Variants in ESYT2 observed in about 807,000 individuals in gnomAD.
The protein encoded by ESYT2 is extended synaptotagmin 2.
A neutral mutation model predicts 107.2 loss-of-function variants in ESYT2; 54 were observed. The observed-to-expected ratio is 0.50, with a 90% CI of 0.40 to 0.63. The LOEUF (loss-of-function observed/expected upper bound fraction) is 0.63, where lower values mean the gene tolerates loss of function less well. ESYT2 is among the 30% of genes least tolerant of loss of function. The pLI is 0.00. For synonymous variants in ESYT2, 491 were observed against 434.1 expected (o/e 1.13, Z -1.63); for missense variants, 1,020 against 1,094.5 (o/e 0.93, Z 0.96).
chr7:158,810,948 T>C (rs1839977045), intron 1 of ESYT2, among the ~76,000 whole-genome samples: 1 of 151,088 alleles, frequency 6.6e-6, no homozygotes, highest in Non-Finnish European at 1.5e-5. Context: ...ATTGTATAGT[T>C]TAAATGGCTG....
chr7:158,798,646 C>CAAAAAAAAAAAAAAAAAAAA (rs57351086), intron 2 of ESYT2, among the ~76,000 whole-genome samples: 1 of 49,852 alleles, frequency 2.0e-5, no homozygotes, highest in Non-Finnish European at 3.3e-5. Context: ...AGCTCCGTCT[C>CAAAAAAAAAAAAAAAAAAAA]AAAAAAAAAA....
intron 16 of ESYT2, among the ~76,000 whole-genome samples, chr7:158,745,291 G>A (rs6979664): frequency 0.056 from 1,581 of 28,362 alleles, 218 homozygotes; most frequent in Middle Eastern, 0.15. Flanking sequence ...AGACAGGGTC[G>A]GGCAAGCGGC....
At chr7:158,802,282 A>C (rs1431976483) in intron 1 of ESYT2, among the ~76,000 whole-genome samples, 1 of 151,692 alleles carries the variant, frequency 6.6e-6, no homozygotes, top group Non-Finnish European at 1.5e-5. Context: ...TGTCCTATGC[A>C]CGATATAAGC....
At chr7:158,819,931 T>C (rs1031886414) in intron 1 of ESYT2, among the ~76,000 whole-genome samples, 2 of 152,240 alleles carry the variant, frequency 1.3e-5, no homozygotes, top group Non-Finnish European at 2.9e-5. Context: ...CATCTGCTGT[T>C]GGTGTGGTTA....
intron 15 of ESYT2, among the ~76,000 whole-genome samples, chr7:158,749,411 A>C (rs1297728811): frequency 6.6e-6 from 1 of 152,128 alleles, no homozygotes; most frequent in Non-Finnish European, 1.5e-5. Context: ...GAGCCACCAC[A>C]CCTAGCCACT....
At position 158,788,142 on chromosome 7, in the gene ESYT2, G is replaced by C. The variant is rs1276292892; in HGVS notation, c.658-49C>G. On this transcript the variant is annotated intron_variant, in intron 5 of 22. Transcript: ENST00000275418. ...ATATGTAATAGAAAACATTCTGCAG[G>C]GCCGCTTAACGCAAGGAGTTTGCAT... 2.7e-6 allele frequency: 4 copies of C among 1,503,368 alleles called. No homozygotes were observed. In the Admixed American group the frequency reaches 6.8e-5, roughly 25 times the overall value. 93.1% of individuals were successfully genotyped at this position (1,503,368 alleles called of 1,614,324 possible).
At chr7:158,739,161 C>A in intron 18 of ESYT2, 40 bp from the exon 19 acceptor site, 1 of 1,567,814 alleles carries the variant, frequency 6.4e-7, no homozygotes, top group Non-Finnish European at 8.8e-7. Flanking sequence ...TTGCCTGAGA[C>A]TGGAGAACGT....
At chr7:158,781,432 GT>G (rs1838801193) in intron 6 of ESYT2, among the ~76,000 whole-genome samples, 2 of 10,262 alleles carry the variant, frequency 1.9e-4, no homozygotes, top group South Asian at 5.0e-3. Context: ...CGAGTGAGAA[GT>G]GTGAGTGTGA....
At chr7:158,755,704 A>G (rs1689282726) in intron 13 of ESYT2, among the ~76,000 whole-genome samples, 1 of 152,226 alleles carries the variant, frequency 6.6e-6, no homozygotes, top group African/African-American at 2.4e-5. Flanking sequence ...GTAGACAGCC[A>G]GAGAGACTAT....
At chr7:158,796,095 C>T (rs1839448417) in intron 3 of ESYT2, among the ~76,000 whole-genome samples, 1 of 152,214 alleles carries the variant, frequency 6.6e-6, no homozygotes. Context: ...ACAGCCACAT[C>T]TATCACAACC....
rs1288395247 is a variant in ESYT2, at chr7:158,732,293, G to C, written c.*1914C>G. ...AACCCTCAACAAATCTAATACTAAG[G>C]GAAAGCAACTAGATTTAATGTTGTT... On this transcript the variant is annotated 3_prime_UTR_variant, in exon 23 of 23. Coordinates refer to ENST00000275418, the MANE Select transcript of ESYT2 (RefSeq NM_001367773.1). 1 of 151,988 alleles carries C rather than the reference G, an allele frequency of 6.6e-6. No individual in the cohort carries two copies. Among genetic ancestry groups the C allele is most frequent in the African/African-American group, 2.4e-5 (1 of 41,368 alleles). 9.4% of individuals were successfully genotyped at this position (151,988 alleles called of 1,614,324 possible).
rs1021098425 is a variant in ESYT2, at chr7:158,738,071, A to C, written c.2268-892T>G. ...CAGCGTCTCCATAAAAAAATTAAAA[A>C]TTAGCCAGGCCTGGTGGCTTCCACC... is the stretch of plus-strand genomic sequence containing the variant. On this transcript the variant is annotated intron_variant, in intron 19 of 22. Transcript: ENST00000275418. Among the ~76,000 whole-genome samples the C allele has an allele frequency of 2.0e-5, 3 of 152,192 alleles. No homozygotes were observed. The South Asian group carries it at 6.2e-4, about 32-fold the overall frequency.
In ESYT2 at chr7:158,782,277, AAT is replaced by A. The variant is rs1191308783; in HGVS notation, c.747+5725_747+5726del. Among the ~76,000 whole-genome samples the A allele has an allele frequency of 5.5e-5, 5 of 91,002 alleles. No individual in the cohort carries two copies. In the East Asian group the frequency reaches 9.4e-4, roughly 17 times the overall value. 59.7% of individuals were successfully genotyped at this position (91,002 alleles called of 152,430 possible). Reference sequence around the variant, plus strand: ...TGAACAAGTATGAGTGTGAGAACAAAATGTGAGAAATGTGTGAAACAAGTGAA... The same window carrying A: ...TGAACAAGTATGAGTGTGAGAACAAAGTGAGAAATGTGTGAAACAAGTGAA... On this transcript the variant is annotated intron_variant, in intron 6 of 22. Transcript: ENST00000275418.
intron 2 of ESYT2, among the ~76,000 whole-genome samples, 161 bp from the exon 3 acceptor site, chr7:158,798,237 A>G (rs920499194): frequency 1.2e-4 from 18 of 152,176 alleles, no homozygotes; most frequent in African/African-American, 4.3e-4. Flanking sequence ...AAATTCTAAA[A>G]AGTTATTAGA....
chr7:158,738,362 C>A (rs1175301147), intron 19 of ESYT2, among the ~76,000 whole-genome samples: 1 of 150,432 alleles, frequency 6.6e-6, no homozygotes, highest in Admixed American at 6.6e-5. Flanking sequence ...CACACACACA[C>A]ACACACACAC....
intron 6 of ESYT2, among the ~76,000 whole-genome samples, chr7:158,781,410 T>C (rs1379185443): frequency 1.5e-5 from 2 of 132,756 alleles, no homozygotes; most frequent in African/African-American, 5.6e-5. Context: ...GTGTGAGGTG[T>C]GAGTGTAAGA....
rs1836739828 is a variant in ESYT2 at position 158,731,343 on chromosome 7, C to T, written c.*2864G>A. 6.6e-6 allele frequency: 1 copy of T among 152,304 alleles called. No homozygotes were observed. The highest frequency in any genetic ancestry group is 6.5e-5 in the Admixed American group (1 of 15,282). 9.4% of individuals were successfully genotyped at this position (152,304 alleles called of 1,614,324 possible). ...TTGAGACGGAGTCTCACTCTGTTGC[C>T]CAGGCTGGAGTGCAGTGGTGCGATC... is the stretch of plus-strand genomic sequence containing the variant. On this transcript the variant is annotated 3_prime_UTR_variant, in exon 23 of 23. Transcript: ENST00000275418.
At chr7:158,778,371 T>A (rs1838644542) in intron 6 of ESYT2, among the ~76,000 whole-genome samples, 1 of 152,028 alleles carries the variant, frequency 6.6e-6, no homozygotes, top group Non-Finnish European at 1.5e-5. Context: ...TAAAGCTAAT[T>A]TTAGTTGGTG....
chr7:158,802,898 T>C (rs1839686210), intron 1 of ESYT2, among the ~76,000 whole-genome samples: 1 of 152,240 alleles, frequency 6.6e-6, no homozygotes, highest in Admixed American at 6.5e-5. Context: ...GCCAATCAAG[T>C]TCATTTATTC....
Sources: allele counts gnomAD v4.1 joint callset (sites outside exome capture counted in the v4.1 genomes callset), GRCh38; gene constraint gnomAD v4.1.1; transcripts MANE v1.5; gene names NCBI Gene and HGNC (gene_info 2026-07-23, HGNC 2026-07-21).